SEPTIN9: variants seen among roughly 807,000 people sequenced by gnomAD.
The protein encoded by SEPTIN9 is septin 9, also known as septin-9.
Under a neutral mutation model 56.6 loss-of-function variants are expected in SEPTIN9, and 13 were observed. That is an observed-to-expected ratio of 0.23 (90% CI 0.15 to 0.37). SEPTIN9 has a LOEUF of 0.37. SEPTIN9 is among the 10% of genes least tolerant of loss of function. The pLI, the probability that SEPTIN9 is intolerant of heterozygous loss-of-function variation, is 1.00. For synonymous variants in SEPTIN9, 332 were observed against 334.1 expected, an observed-to-expected ratio of 0.99 and a Z score of 0.07; for missense variants, 650 against 823.1, an observed-to-expected ratio of 0.79 and a Z score of 2.57.
At chr17:77,288,000 G>T (rs1041281224) in intron 1 of SEPTIN9, 5 of 1,059,306 alleles carry the variant, frequency 4.7e-6, no homozygotes, top group Non-Finnish European at 4.6e-6. Context: ...TTTGTGTCTG[G>T]GTGAGAGGAA....
intron 1 of SEPTIN9, among the ~76,000 whole-genome samples, chr17:77,290,363 T>G (rs1484588876): frequency 1.3e-5 from 2 of 151,166 alleles, no homozygotes; most frequent in Admixed American, 6.6e-5. Flanking sequence ...GTTCACACCA[T>G]TCTCCTGCCT....
intron 2 of SEPTIN9, among the ~76,000 whole-genome samples, chr17:77,321,219 G>A (rs560539216): frequency 2.0e-5 from 3 of 152,148 alleles, no homozygotes; most frequent in Non-Finnish European, 4.4e-5. Flanking sequence ...AGTGACCTAC[G>A]GGCCATGGAG....
chr17:77,338,227 T>C (rs141805970), intron 2 of SEPTIN9, among the ~76,000 whole-genome samples: 2 of 152,200 alleles, frequency 1.3e-5, no homozygotes, highest in East Asian at 3.9e-4. Flanking sequence ...ATGTTTACAC[T>C]ATACTATAGT....
At chr17:77,498,468 T>TG in intron 11 of SEPTIN9, 55 bp from the exon 12 acceptor site, 7 of 358,176 alleles carry the variant, frequency 2.0e-5, no homozygotes, top group South Asian at 6.2e-5. Flanking sequence ...CCTGCCCCGC[T>TG]GCCCCCACCC....
chr17:77,336,339 C>T (rs1163621303), intron 2 of SEPTIN9, among the ~76,000 whole-genome samples: 1 of 152,018 alleles, frequency 6.6e-6, no homozygotes, highest in African/African-American at 2.4e-5. Context: ...GGCATTTTAA[C>T]AATATTGAGT....
At chr17:77,373,306 G>A (rs1327038725) in intron 2 of SEPTIN9, 1 of 1,160,354 alleles carries the variant, frequency 8.6e-7, no homozygotes, top group Non-Finnish European at 1.1e-6. Flanking sequence ...CGCAGCGCGC[G>A]GGGAGGGGCC....
chr17:77,454,312 C>A, intron 3 of SEPTIN9: 1 of 985,516 alleles, frequency 1.0e-6, no homozygotes, highest in Non-Finnish European at 1.2e-6. Context: ...GTTCTGCCTT[C>A]CGGCGCCGAG....
intron 1 of SEPTIN9, among the ~76,000 whole-genome samples, chr17:77,305,448 G>A (rs539134600): frequency 1.3e-5 from 2 of 152,196 alleles, no homozygotes; most frequent in Admixed American, 1.3e-4. Context: ...AGCGTCCTCC[G>A]GTCCCTCCTT....
chr17:77,457,765 A>T (rs2038278722), intron 3 of SEPTIN9, among the ~76,000 whole-genome samples: 1 of 152,200 alleles, frequency 6.6e-6, no homozygotes, highest in African/African-American at 2.4e-5. Context: ...GCCACAGTTT[A>T]CTCTGGACCG....
intron 3 of SEPTIN9, among the ~76,000 whole-genome samples, chr17:77,417,248 C>T (rs181639460): frequency 4.6e-5 from 7 of 152,336 alleles, no homozygotes; most frequent in African/African-American, 1.7e-4. Flanking sequence ...CTAATAGATG[C>T]TCAGTGTCAT....
At chr17:77,291,092 G>A (rs1044632677) in intron 1 of SEPTIN9, among the ~76,000 whole-genome samples, 18 of 139,544 alleles carry the variant, frequency 1.3e-4, no homozygotes, top group Non-Finnish European at 2.6e-4. Flanking sequence ...CTGGAGTGCC[G>A]TGGTGCAATC....
intron 2 of SEPTIN9, among the ~76,000 whole-genome samples, chr17:77,386,914 C>T (rs1372263397): frequency 6.6e-6 from 1 of 152,238 alleles, no homozygotes; most frequent in Non-Finnish European, 1.5e-5. Flanking sequence ...CAGATGAGCA[C>T]TCAGAGGCCC....
At chr17:77,407,708 G>C (rs928762833) in intron 3 of SEPTIN9, among the ~76,000 whole-genome samples, 10 of 152,242 alleles carry the variant, frequency 6.6e-5, no homozygotes, top group African/African-American at 2.4e-4. Context: ...GCTTTATGCT[G>C]GTGGGGTGGA....
At chr17:77,438,482 C>T (rs2037433219) in intron 3 of SEPTIN9, among the ~76,000 whole-genome samples, 1 of 152,184 alleles carries the variant, frequency 6.6e-6, no homozygotes, top group Non-Finnish European at 1.5e-5. Context: ...GGTCACTAAT[C>T]AGCTGGTCTT....
chr17:77,303,920 C>T (rs988566084), intron 1 of SEPTIN9, among the ~76,000 whole-genome samples: 1 of 152,162 alleles, frequency 6.6e-6, no homozygotes, highest in Non-Finnish European at 1.5e-5. Flanking sequence ...TCCAGGCTTT[C>T]CTGCCTCCTT....
chr17:77,436,604 G>A lies in SEPTIN9; in HGVS notation c.721+33901G>A, dbSNP rs920379535. Among the ~76,000 whole-genome samples the A allele has an allele frequency of 1.3e-5, 2 of 152,298 alleles. No individual in the cohort carries two copies. Among genetic ancestry groups the A allele is most frequent in the Admixed American group, 6.5e-5 (1 of 15,306 alleles). ...GAATGATCAGTGTCCAGCTTTTCTC[G>A]CCCCTCTCCTGCCCCGCTGGAGGGA... On this transcript the variant is annotated intron_variant, in intron 3 of 11. Coordinates refer to ENST00000427177, the MANE Select transcript of SEPTIN9 (RefSeq NM_001113491.2). The surrounding 1 kb of genome is among the most constrained non-coding windows in gnomAD (Gnocchi z 4.4).
intron 2 of SEPTIN9, among the ~76,000 whole-genome samples, chr17:77,356,014 C>T (rs895213248): frequency 7.0e-6 from 1 of 143,144 alleles, no homozygotes; most frequent in East Asian, 2.2e-4. Context: ...GCTCCCAGCT[C>T]TTCCTCCTGT....
chr17:77,475,341 T>C lies in SEPTIN9; in HGVS notation c.722-6803T>C, dbSNP rs41282087. ...TTGCGAGGCAGGGCTTCCCCAGGAT[T>C]CAGCAGGGATCTGAAGGACTTTGCA... is the stretch of plus-strand genomic sequence containing the variant. On this transcript the variant is annotated intron_variant, in intron 3 of 11. Coordinates refer to ENST00000427177, the MANE Select transcript of SEPTIN9 (RefSeq NM_001113491.2). This position sits in a 1 kb window ranked among gnomAD's most constrained non-coding sequence, Gnocchi z 4.6. The C allele has an allele frequency of 1.7e-4, 244 of 1,431,614 alleles. 1 individual carries two copies. The Middle Eastern group carries it at 1.8e-3, about 11-fold the overall frequency. 88.7% of individuals were successfully genotyped at this position (1,431,614 alleles called of 1,614,324 possible). A position where few individuals can be genotyped will look rare whatever the true frequency, so the allele number is the denominator to read the frequency against.
At chr17:77,372,074 G>T (rs540848144) in intron 2 of SEPTIN9, among the ~76,000 whole-genome samples, 1 of 151,310 alleles carries the variant, frequency 6.6e-6, no homozygotes, top group Admixed American at 6.6e-5. Context: ...GGCGCTCCCC[G>T]GCCACACATT....
Sources: gnomAD v4.1 joint callset for allele counts (sites outside exome capture counted in the v4.1 genomes callset) on GRCh38, gnomAD v4.1.1 for gene constraint, Gnocchi (gnomAD v3.1) non-coding constraint, MANE v1.5 for transcripts, NCBI Gene and HGNC (gene_info 2026-07-23, HGNC 2026-07-21) for gene names.